FAM219B: variants seen among roughly 807,000 people sequenced by gnomAD.
FAM219B encodes the protein protein FAM219B.
Under a neutral mutation model 19.9 loss-of-function variants are expected in FAM219B, and 18 were observed. The ratio of observed to expected loss-of-function variants is 0.91; its 90% CI spans 0.63 to 1.34. The LOEUF (loss-of-function observed/expected upper bound fraction) is 1.34, where lower values mean the gene tolerates loss of function less well. Among genes scored for constraint, FAM219B ranks in the 40% most tolerant of loss-of-function variants. The pLI is 0.00. For synonymous variants in FAM219B, 123 were observed against 117.5 expected (o/e 1.05, Z -0.30); for missense variants, 283 against 270.5 (o/e 1.05, Z -0.32).
rs1029730933 is a variant in FAM219B, at chr15:74,902,073, GACAAAAGGACTC to G, written c.*534_*545del. ...GTTAGACAGGTGCAACCTGAAGAGG[GACAAAAGGACTC>G]ACTTTATGCTGTCTTGAAGGTCAAG... is the stretch of plus-strand genomic sequence containing the variant. On this transcript the variant is annotated 3_prime_UTR_variant, in exon 5 of 5. Coordinates refer to ENST00000357635, the MANE Select transcript of FAM219B (RefSeq NM_020447.5). 1 of 398,498 alleles carries G rather than the reference GACAAAAGGACTC, an allele frequency of 2.5e-6. No individual in the cohort carries two copies. Among genetic ancestry groups the G allele is most frequent in the Non-Finnish European group, 4.4e-6 (1 of 226,080 alleles). The allele number at this position is 398,498 out of a possible 1,614,324, so 24.7% of individuals were successfully genotyped here. A position where few individuals can be genotyped will look rare whatever the true frequency, so the allele number is the denominator to read the frequency against.
At chr15:74,906,513 G>C (rs1050424039) in intron 1 of FAM219B, 74 bp downstream of exon 1, 36 of 1,465,544 alleles carry the variant, frequency 2.5e-5, no homozygotes, top group Non-Finnish European at 2.7e-5. Flanking sequence ...GCCCAGCGGA[G>C]CTCCGGAACC....
Position 74,902,025 on chromosome 15 carries a change from A to C in FAM219B, c.*594T>G. 1 of 398,264 alleles carries C rather than the reference A, an allele frequency of 2.5e-6. No individual in the cohort carries two copies. The highest frequency in any genetic ancestry group is 4.4e-6 in the Non-Finnish European group (1 of 225,918). The allele number at this position is 398,264 out of a possible 1,614,324, so 24.7% of individuals were successfully genotyped here. ...CCAGGATCCTGCTGTATCATTAAGC[A>C]ACCTGCTATGATCCCTGTCATAGTT... On this transcript the variant is annotated 3_prime_UTR_variant, in exon 5 of 5. Coordinates refer to ENST00000357635, the MANE Select transcript of FAM219B (RefSeq NM_020447.5).
rs761969883 is a variant in FAM219B at position 74,902,572 on chromosome 15, G to A, written c.*47C>T. 2 of 1,538,024 alleles carry A rather than the reference G, an allele frequency of 1.3e-6. No homozygotes were observed. Among genetic ancestry groups the A allele is most frequent in the Admixed American group, 3.9e-5 (2 of 51,350 alleles). On this transcript the variant is annotated 3_prime_UTR_variant, in exon 5 of 5. Coordinates refer to ENST00000357635, the MANE Select transcript of FAM219B (RefSeq NM_020447.5). ...GTGTGAGCTATGAGTGGCCAACAGG[G>A]CTCTGTAGGCCTCATGGTGAGCAGG...
chr15:74,906,279 T>G lies in FAM219B; in HGVS notation c.301A>C (p.Arg101=). 6.2e-7 allele frequency: 1 copy of G among 1,611,654 alleles called. No individual in the cohort carries two copies. The highest frequency in any genetic ancestry group is 8.5e-7 in the Non-Finnish European group (1 of 1,179,112). ...AGAGGAGGTGGCGCCTGCTGAGACC[T>G]TTTCCCTGAAGAGTCTGGGCGGTTC... ...SPNRPDSSGK[R]SVKFNKGYTA... Residue 101 remains arginine (R), a splice_region_variant and synonymous_variant, in exon 2 of 5, where the codon AGG becomes CGG. Transcript: ENST00000357635.
Position 74,902,635 on chromosome 15 carries a change from GAAGAAGAGTCCCC to G in FAM219B, c.568_580del (p.Gly190ProfsTer33). On this transcript the variant is annotated frameshift_variant, in exon 5 of 5. Coordinates refer to ENST00000357635, the MANE Select transcript of FAM219B (RefSeq NM_020447.5). LOFTEE classifies it high-confidence loss of function. ...GGGTAATGTCTACTGGAGGGTACAGGAAGAAGAGTCCCCAAGACAGCACCAGCAGCAGGAGCAT... is the reference window on the plus strand; with the variant it reads ...GGGTAATGTCTACTGGAGGGTACAGGAAGACAGCACCAGCAGCAGGAGCAT... The G allele has an allele frequency of 3.7e-6, 6 of 1,611,186 alleles. No homozygotes were observed. Among genetic ancestry groups the G allele is most frequent in the Non-Finnish European group, 5.1e-6 (6 of 1,178,588 alleles).
chr15:74,898,283 A>G, downstream of FAM219B: 1 of 191,536 alleles, frequency 5.2e-6, no homozygotes, highest in Middle Eastern at 2.5e-3. Flanking sequence ...AAGTGGGCCA[A>G]AAGAGCCCTC....
chr15:74,903,383 G>A (rs1415014025), intron 4 of FAM219B, among the ~76,000 whole-genome samples: 7 of 152,028 alleles, frequency 4.6e-5, no homozygotes, highest in African/African-American at 1.7e-4. Flanking sequence ...GGTGGATCAC[G>A]AGGTCAGGAG....
chr15:74,906,769 A>T lies in FAM219B; in HGVS notation c.32T>A (p.Leu11Ter). 1 of 1,295,070 alleles carries T rather than the reference A, an allele frequency of 7.7e-7. No homozygotes were observed. The highest frequency in any genetic ancestry group is 9.8e-7 in the Non-Finnish European group (1 of 1,020,480). The allele number at this position is 1,295,070 out of a possible 1,614,324, so 80.2% of individuals were successfully genotyped here. A position where few individuals can be genotyped will look rare whatever the true frequency, so the allele number is the denominator to read the frequency against. The change falls in exon 1 of 5, where the codon TTG (leucine) becomes TAG (stop). Residue 11 changes from leucine to a stop codon, truncating the protein, a stop_gained. Transcript: ENST00000357635. LOFTEE classifies it high-confidence loss of function. MATAEPSGRA[L>*]RLSTPGPRPS... is the part of the protein sequence containing the mutation. Reference sequence around the variant, plus strand: ...CCGGGGTCCCGGGGTAGACAACCGCAACGCGCGCCCGCTGGGCTCCGCGGT... The same window carrying T: ...CCGGGGTCCCGGGGTAGACAACCGCTACGCGCGCCCGCTGGGCTCCGCGGT...
chr15:74,906,793 G>GTCGCCATGGCCGGGCCCCGCCC lies in FAM219B; in HGVS notation c.-15_7dup (p.Thr3ArgfsTer45), dbSNP rs1208346877. 2 of 1,284,548 alleles carry GTCGCCATGGCCGGGCCCCGCCC rather than the reference G, an allele frequency of 1.6e-6. No homozygotes were observed. Among genetic ancestry groups the GTCGCCATGGCCGGGCCCCGCCC allele is most frequent in the African/African-American group, 3.1e-5 (2 of 64,510 alleles). 79.6% of individuals were successfully genotyped at this position (1,284,548 alleles called of 1,614,324 possible). On this transcript the variant is annotated frameshift_variant, in exon 1 of 5. Coordinates refer to ENST00000357635, the MANE Select transcript of FAM219B (RefSeq NM_020447.5). LOFTEE classifies it high-confidence loss of function. ...CAACGCGCGCCCGCTGGGCTCCGCG[G>GTCGCCATGGCCGGGCCCCGCCC]TCGCCATGGCCGGGCCCCGCCCTGC... is the stretch of plus-strand genomic sequence containing the variant.
chr15:74,899,695 C>T, downstream of FAM219B: 1 of 152,352 alleles, frequency 6.6e-6, no homozygotes, highest in Non-Finnish European at 1.5e-5. Context: ...GGCGCGATAG[C>T]TCACTGCAAC....
chr15:74,904,785 C>T lies in FAM219B; in HGVS notation c.381-73G>A, dbSNP rs1174112184. 8 of 1,583,872 alleles carry T rather than the reference C, an allele frequency of 5.1e-6. No individual in the cohort carries two copies. In the African/African-American group the frequency reaches 1.1e-4, roughly 21 times the overall value. ...CAGCTGTAAATCATCAGGCGGAGAGCATGCAAGGGCATCTGGAAGACTTTT... is the reference window on the plus strand; with the variant it reads ...CAGCTGTAAATCATCAGGCGGAGAGTATGCAAGGGCATCTGGAAGACTTTT... On this transcript the variant is annotated intron_variant, in intron 3 of 4. Transcript: ENST00000357635.
chr15:74,902,515 T>C lies in FAM219B; in HGVS notation c.*104A>G, dbSNP rs2065003141. On this transcript the variant is annotated 3_prime_UTR_variant, in exon 5 of 5. Coordinates refer to ENST00000357635, the MANE Select transcript of FAM219B (RefSeq NM_020447.5). Reference sequence around the variant, plus strand: ...TAAGGGCTACCTGCAGGTCACTTTCTAGGGGTCAGTGACTTCAGTGCTCAC... The same window carrying C: ...TAAGGGCTACCTGCAGGTCACTTTCCAGGGGTCAGTGACTTCAGTGCTCAC... 4 of 1,256,166 alleles carry C rather than the reference T, an allele frequency of 3.2e-6. No homozygotes were observed. The highest frequency in any genetic ancestry group is 1.5e-5 in the African/African-American group (1 of 65,858). The allele number at this position is 1,256,166 out of a possible 1,614,324, so 77.8% of individuals were successfully genotyped here.
intron 2 of FAM219B, chr15:74,905,849 C>T: frequency 5.9e-6 from 1 of 169,570 alleles, no homozygotes; most frequent in Non-Finnish European, 1.3e-5. Context: ...TAGGGTTAAC[C>T]TTCACTTCTC....
chr15:74,901,691 C>G lies in FAM219B; in HGVS notation c.*928G>C, dbSNP rs532903386. On this transcript the variant is annotated 3_prime_UTR_variant, in exon 5 of 5. Transcript: ENST00000357635. ...CCACACAGCTGTATACCCACTCTCA[C>G]GAGTCCATTGCTACTTCTCAAAAGT... is the stretch of plus-strand genomic sequence containing the variant. The G allele has an allele frequency of 9.6e-5, 15 of 155,900 alleles. No individual in the cohort carries two copies. Among genetic ancestry groups the G allele is most frequent in the Non-Finnish European group, 1.8e-4 (13 of 70,614 alleles). 9.7% of individuals were successfully genotyped at this position (155,900 alleles called of 1,614,324 possible).
chr15:74,904,535 G>T, intron 4 of FAM219B, 129 bp downstream of exon 4: 1 of 1,132,504 alleles, frequency 8.8e-7, no homozygotes, highest in Non-Finnish European at 1.3e-6. Flanking sequence ...AGGGCAGAGT[G>T]GAAGATCGTA....
At position 74,904,703 on chromosome 15, in the gene FAM219B, C is replaced by G. The variant is rs1254865391; in HGVS notation, c.390G>C (p.Glu130Asp). The G allele has an allele frequency of 1.9e-6, 3 of 1,614,098 alleles. No individual in the cohort carries two copies. The highest frequency in any genetic ancestry group is 2.5e-6 in the Non-Finnish European group (3 of 1,180,046). Residue 130 changes from glutamate to aspartate, a missense_variant, in exon 4 of 5, where the codon GAG becomes GAC. Transcript: ENST00000357635. ...LVSLDSDSDG[E>D]LGSRYSSGYS... The stretch of plus-strand genomic sequence containing the variant: ...ACCCGGAGGAGTATCTGGATCCCAG[C>G]TCCCCATCACTAGGAGAAGAGGAAA...
intron 4 of FAM219B, among the ~76,000 whole-genome samples, chr15:74,903,600 CAAAAAAAA>C (rs60354993): frequency 4.3e-5 from 2 of 46,138 alleles, no homozygotes; most frequent in African/African-American, 7.6e-5. Context: ...GACTCTGTCT[CAAAAAAAA>C]AAAAAAAAAA....
Position 74,901,038 on chromosome 15 carries a change from G to A in FAM219B, c.*1581C>T, listed in dbSNP as rs189578178. The A allele has an allele frequency of 2.0e-5, 3 of 152,318 alleles. No individual in the cohort carries two copies. In the East Asian group the frequency reaches 5.8e-4, roughly 29 times the overall value. The allele number at this position is 152,318 out of a possible 1,614,324, so 9.4% of individuals were successfully genotyped here. Reference sequence around the variant, plus strand: ...TGTGGTAGAGCGAAAAGAGTGTGTTGTCCCTCTCATGCCTCTGGTGGTCAC... The same window carrying A: ...TGTGGTAGAGCGAAAAGAGTGTGTTATCCCTCTCATGCCTCTGGTGGTCAC... On this transcript the variant is annotated 3_prime_UTR_variant, in exon 5 of 5. Coordinates refer to ENST00000357635, the MANE Select transcript of FAM219B (RefSeq NM_020447.5).
chr15:74,905,145 A>T lies in FAM219B; in HGVS notation c.380+9T>A. On this transcript the variant is annotated intron_variant, in intron 3 of 4. Coordinates refer to ENST00000357635, the MANE Select transcript of FAM219B (RefSeq NM_020447.5). ...TTCCCAAGGGGGTATTTCCAAGGGGAGCACTCACCTGTCAGAGTCGAGGGA... is the reference window on the plus strand; with the variant it reads ...TTCCCAAGGGGGTATTTCCAAGGGGTGCACTCACCTGTCAGAGTCGAGGGA... 6.2e-7 allele frequency: 1 copy of T among 1,613,954 alleles called. No individual in the cohort carries two copies. Among genetic ancestry groups the T allele is most frequent in the Non-Finnish European group, 8.5e-7 (1 of 1,179,894 alleles).
Sources: allele counts gnomAD v4.1 joint callset (sites outside exome capture counted in the v4.1 genomes callset), GRCh38; gene constraint gnomAD v4.1.1; transcripts MANE v1.5; gene names NCBI Gene and HGNC (gene_info 2026-07-23, HGNC 2026-07-21).